Variants in ZC2HC1B observed in about 807,000 individuals in gnomAD.
ZC2HC1B encodes zinc finger C2HC-type containing 1B, also known as zinc finger C2HC domain-containing protein 1B.
In ZC2HC1B, 36 loss-of-function variants were observed where a neutral mutation model predicts 31.0. The observed-to-expected ratio is 1.16, with a 90% CI of 0.89 to 1.54. ZC2HC1B has a LOEUF of 1.54. Ranked by LOEUF, ZC2HC1B falls within the 40% of genes most tolerant of loss-of-function variation. The probability of loss-of-function intolerance (pLI) is 0.00; values close to 1 mark genes in which losing one functional copy is unlikely to be tolerated. For synonymous variants in ZC2HC1B, 73 were observed against 88.0 expected, an observed-to-expected ratio of 0.83 and a Z score of 0.95; for missense variants, 260 against 268.6, an observed-to-expected ratio of 0.97 and a Z score of 0.22.
rs1013980700 is a variant in ZC2HC1B at position 143,874,984 on chromosome 6, C to T, written c.29-9320C>T. Among the ~76,000 whole-genome samples the T allele has an allele frequency of 2.0e-5, 3 of 152,102 alleles. No homozygotes were observed. The East Asian group carries it at 5.8e-4, about 29-fold the overall frequency. The stretch of plus-strand genomic sequence containing the variant: ...GGTATGTGGGACTGCAGGTGCTCAC[C>T]ACCACTTCCAGCTAATTTTTGTATT... On this transcript the variant is annotated intron_variant, in intron 1 of 7. Transcript: ENST00000237275.
intron 4 of ZC2HC1B, among the ~76,000 whole-genome samples, chr6:143,893,105 ACT>A (rs748317484): frequency 2.0e-5 from 3 of 152,186 alleles, no homozygotes; most frequent in Admixed American, 6.5e-5. Context: ...AACTCTTAAA[ACT>A]CAGTAATAAG....
Position 143,902,118 on chromosome 6 carries a change from C to T in ZC2HC1B, c.490-926C>T, listed in dbSNP as rs1777744923. On this transcript the variant is annotated intron_variant, in intron 5 of 7. Transcript: ENST00000237275. ...GCGAACACAGAAGAAAAATTGCTTG[C>T]TTTGTGAATTCCTTCACTCACTGTA... 9.9e-5 allele frequency among the ~76,000 whole-genome samples: 15 copies of T among 152,266 alleles called. 1 individual carries two copies. The South Asian group carries it at 3.1e-3, about 32-fold the overall frequency.
Position 143,918,319 on chromosome 6 carries a change from G to A in ZC2HC1B, c.598+15167G>A, listed in dbSNP as rs760354530. 2.6e-5 allele frequency among the ~76,000 whole-genome samples: 4 copies of A among 152,068 alleles called. No individual in the cohort carries two copies. The highest frequency in any genetic ancestry group is 5.9e-5 in the Non-Finnish European group (4 of 68,014). On this transcript the variant is annotated intron_variant, in intron 6 of 7. Transcript: ENST00000237275. The surrounding 1 kb of genome is among the most constrained non-coding windows in gnomAD (Gnocchi z 4.1). ...CCATCTCTTCCCTTACTTTTTGAAG[G>A]ACAGTTTTTCTGTATATGAGATTTT...
In ZC2HC1B at chr6:143,891,426, C is replaced by T. The variant is rs1481024257; in HGVS notation, c.349+4605C>T. Among the ~76,000 whole-genome samples, 8 of 151,768 alleles carry T rather than the reference C, an allele frequency of 5.3e-5. 1 individual carries two copies. The highest frequency in any genetic ancestry group is 3.3e-4 in the Admixed American group (5 of 15,256). On this transcript the variant is annotated intron_variant, in intron 4 of 7. Coordinates refer to ENST00000237275, the MANE Select transcript of ZC2HC1B (RefSeq NM_001013623.3). ...AGTAGAAATTGACTAGCTGGCCAGG[C>T]GTGGTGGCTCACACCTATAATCCCA...
intron 6 of ZC2HC1B, 86 bp from the exon 7 acceptor site, chr6:143,937,563 C>G: frequency 2.7e-6 from 3 of 1,098,334 alleles, no homozygotes; most frequent in Non-Finnish European, 3.7e-6. Context: ...AACTTTTGAA[C>G]CCATGTGGGG....
At chr6:143,931,279 G>A (rs1022651647) in intron 6 of ZC2HC1B, among the ~76,000 whole-genome samples, 1 of 152,086 alleles carries the variant, frequency 6.6e-6, no homozygotes. Flanking sequence ...TACCTTTTAA[G>A]TGAAGCATTT....
rs1368816645 is a variant in ZC2HC1B at position 143,878,362 on chromosome 6, C to T, written c.29-5942C>T. On this transcript the variant is annotated intron_variant, in intron 1 of 7. Transcript: ENST00000237275. ...GTGTGGTGGTGTGGGCCTGTGCTCC[C>T]AGCTACTCAGGAGGCTGAGGTGGGA... 1.3e-5 allele frequency among the ~76,000 whole-genome samples: 2 copies of T among 150,586 alleles called. 1 individual carries two copies. Among genetic ancestry groups the T allele is most frequent in the Non-Finnish European group, 3.0e-5 (2 of 67,662 alleles).
chr6:143,923,835 G>A lies in ZC2HC1B; in HGVS notation c.599-13814G>A, dbSNP rs1007085178. On this transcript the variant is annotated intron_variant, in intron 6 of 7. Transcript: ENST00000237275. The surrounding 1 kb of genome is among the most constrained non-coding windows in gnomAD (Gnocchi z 4.8). ...TCTGTTTTTATACCAATATCTTGCT[G>A]TTTTAGTTACTACAGCTTTTTAATA... Among the ~76,000 whole-genome samples, 15 of 151,734 alleles carry A rather than the reference G, an allele frequency of 9.9e-5. No homozygotes were observed. The highest frequency in any genetic ancestry group is 3.6e-4 in the African/African-American group (15 of 41,316).
intron 6 of ZC2HC1B, among the ~76,000 whole-genome samples, chr6:143,906,013 C>T (rs1353258842): frequency 1.3e-5 from 2 of 152,084 alleles, no homozygotes; most frequent in Non-Finnish European, 2.9e-5. Flanking sequence ...TTTCTTATAG[C>T]ATCTTTGAAG....
At chr6:143,930,468 G>A (rs1778106855) in intron 6 of ZC2HC1B, among the ~76,000 whole-genome samples, 1 of 145,972 alleles carries the variant, frequency 6.9e-6, no homozygotes, top group East Asian at 2.1e-4. Context: ...CTCACTGCAA[G>A]CTCCGCCTCC....
intron 6 of ZC2HC1B, among the ~76,000 whole-genome samples, chr6:143,928,656 T>C (rs1030524891): frequency 2.0e-5 from 3 of 152,114 alleles, no homozygotes; most frequent in Admixed American, 6.6e-5. Flanking sequence ...TTCTGTTAAG[T>C]CTGTAGATTG....
Position 143,903,022 on chromosome 6 carries a change from CTCTT to C in ZC2HC1B, c.490-14_490-11del, listed in dbSNP as rs775371248. 1.0e-5 allele frequency: 16 copies of C among 1,550,130 alleles called. No individual in the cohort carries two copies. The highest frequency in any genetic ancestry group is 1.2e-5 in the Non-Finnish European group (14 of 1,145,840). On this transcript the variant is annotated intron_variant, in intron 5 of 7. Transcript: ENST00000237275. The surrounding 1 kb of genome is among the most constrained non-coding windows in gnomAD (Gnocchi z 4.3). ...TACATACAGAAGGTGTTCTCTTTGTCTCTTTCTTTCTCTCTCTGTAGGGTAGGGC... is the reference window on the plus strand; with the variant it reads ...TACATACAGAAGGTGTTCTCTTTGTCTCTTTCTCTCTCTGTAGGGTAGGGC...
chr6:143,882,192 C>T (rs539124050), intron 1 of ZC2HC1B, among the ~76,000 whole-genome samples: 3 of 151,722 alleles, frequency 2.0e-5, no homozygotes, highest in African/African-American at 4.8e-5. Flanking sequence ...GAAAACACCA[C>T]ACAAATGTTA....
chr6:143,937,503 C>T (rs1350724350), intron 6 of ZC2HC1B, 146 bp from the exon 7 acceptor site: 4 of 515,130 alleles, frequency 7.8e-6, no homozygotes, highest in Non-Finnish European at 1.0e-5. Context: ...ACCCTCATTG[C>T]CCTCCCCACC....
chr6:143,882,334 T>TTATATATATATATATATATA (rs59777839), intron 1 of ZC2HC1B, among the ~76,000 whole-genome samples: 31 of 85,526 alleles, frequency 3.6e-4, no homozygotes, highest in African/African-American at 1.7e-3. Flanking sequence ...TTTATATTTT[T>TTATATATATATATATATATA]TATATATATA....
At position 143,899,492 on chromosome 6, in the gene ZC2HC1B, C is replaced by T. The variant is rs116017609; in HGVS notation, c.489+801C>T. ...CCAGGTGCAGGTGATACTCCCACCT[C>T]GGCCTCCTGAGTAGCTGGAACTACA... On this transcript the variant is annotated intron_variant, in intron 5 of 7. Coordinates refer to ENST00000237275, the MANE Select transcript of ZC2HC1B (RefSeq NM_001013623.3). This position sits in a 1 kb window ranked among gnomAD's most constrained non-coding sequence, Gnocchi z 5.0. 0.019 allele frequency among the ~76,000 whole-genome samples: 2,931 copies of T among 152,282 alleles called. 113 individuals carry two copies. Among genetic ancestry groups the T allele is most frequent in the African/African-American group, 0.068 (2,834 of 41,540 alleles).
chr6:143,866,556 A>G (rs1453944277), intron 1 of ZC2HC1B, among the ~76,000 whole-genome samples: 1 of 152,240 alleles, frequency 6.6e-6, no homozygotes, highest in African/African-American at 2.4e-5. Flanking sequence ...TTACAAGTCT[A>G]AGTGTCTGAA....
In ZC2HC1B at chr6:143,928,584, A is replaced by G. The variant is rs1005893484; in HGVS notation, c.599-9065A>G. On this transcript the variant is annotated intron_variant, in intron 6 of 7. Coordinates refer to ENST00000237275, the MANE Select transcript of ZC2HC1B (RefSeq NM_001013623.3). Reference sequence around the variant, plus strand: ...CTATTTGGGTTCTTTTCAGTTCCATATGAATTTTAGGATTTTTTTTTTCTA... The same window carrying G: ...CTATTTGGGTTCTTTTCAGTTCCATGTGAATTTTAGGATTTTTTTTTTCTA... 4.4e-4 allele frequency among the ~76,000 whole-genome samples: 67 copies of G among 151,986 alleles called. 3 individuals carry two copies. Among genetic ancestry groups the G allele is most frequent in the Admixed American group, 2.0e-4 (3 of 15,268 alleles).
intron 6 of ZC2HC1B, among the ~76,000 whole-genome samples, chr6:143,920,785 G>A (rs1441225319): frequency 6.6e-6 from 1 of 151,738 alleles, no homozygotes; most frequent in Non-Finnish European, 1.5e-5. Context: ...GGACGTGCCT[G>A]TAATCCCAGC....
Sources: allele counts gnomAD v4.1 joint callset (sites outside exome capture counted in the v4.1 genomes callset), GRCh38; gene constraint gnomAD v4.1.1; non-coding constraint Gnocchi (gnomAD v3.1); transcripts MANE v1.5; gene names NCBI Gene and HGNC (gene_info 2026-07-23, HGNC 2026-07-21).